The following LIMS1 variants were observed in gnomAD, a reference collection of about 807,000 sequenced individuals.
The protein encoded by LIMS1 is LIM zinc finger domain containing 1.
A neutral mutation model predicts 44.1 loss-of-function variants in LIMS1; 18 were observed. That is an observed-to-expected ratio of 0.41 (90% CI 0.28 to 0.61). The LOEUF is 0.61. LIMS1 is among the 20% of genes least tolerant of loss of function. The pLI, the probability that LIMS1 is intolerant of heterozygous loss-of-function variation, is 0.32. For missense variants in LIMS1, 201 were observed against 422.0 expected (o/e 0.48, Z 4.59); for synonymous variants, 93 against 149.1 (o/e 0.62, Z 2.74).
At chr2:108,583,330 A>C (rs1480418225) in intron 1 of LIMS1, among the ~76,000 whole-genome samples, 1 of 151,980 alleles carries the variant, frequency 6.6e-6, no homozygotes, top group Admixed American at 6.5e-5. Flanking sequence ...GGCGTAAATC[A>C]CCACGCCTGG....
exon 5 of LIMS1, chr2:108,672,984 A>G: frequency 2.3e-6 from 3 of 1,316,404 alleles, no homozygotes; most frequent in South Asian, 1.4e-5. Context: ...CTGATATTCA[A>G]GAACGACCCC....
intron 1 of LIMS1, among the ~76,000 whole-genome samples, chr2:108,648,241 A>C (rs1690208889): frequency 6.6e-6 from 1 of 152,208 alleles, no homozygotes; most frequent in South Asian, 2.1e-4. Context: ...TAAAATACCT[A>C]GGAATACAAC....
intron 2 of LIMS1, among the ~76,000 whole-genome samples, chr2:108,666,216 G>A (rs1390341239): frequency 6.6e-6 from 1 of 152,200 alleles, no homozygotes; most frequent in Non-Finnish European, 1.5e-5. Context: ...GACATGCTCT[G>A]TAAATTGGGA....
At chr2:108,664,231 T>C (rs983954936) in intron 2 of LIMS1, among the ~76,000 whole-genome samples, 3 of 152,226 alleles carry the variant, frequency 2.0e-5, no homozygotes, top group Admixed American at 6.5e-5. Flanking sequence ...CAAACCAGTA[T>C]AAAGTACCAA....
intron 1 of LIMS1, among the ~76,000 whole-genome samples, chr2:108,552,367 C>A (rs1032222471): frequency 7.5e-6 from 1 of 133,488 alleles, no homozygotes; most frequent in Non-Finnish European, 1.6e-5. Context: ...ATATACTATA[C>A]GTATAGTATA....
At chr2:108,607,655 T>C (rs901459346) in intron 1 of LIMS1, among the ~76,000 whole-genome samples, 2 of 152,224 alleles carry the variant, frequency 1.3e-5, no homozygotes, top group African/African-American at 2.4e-5. Context: ...AACCCAGTCT[T>C]TCCCATCTGT....
chr2:108,659,598 GTTACA>G lies in LIMS1; in HGVS notation c.33-6_33-2del. ...GTCTGCAACCTGCTGTTCTTTGCGT[GTTACA>G]GCAACATGGCCAACGCCCTGGCCAG... On this transcript the variant is annotated splice_acceptor_variant and splice_polypyrimidine_tract_variant and intron_variant, in intron 1 of 9. Transcript: ENST00000544547. LOFTEE classifies it high-confidence loss of function. 1.2e-6 allele frequency: 2 copies of G among 1,611,600 alleles called. No individual in the cohort carries two copies. The highest frequency in any genetic ancestry group is 3.3e-5 in the Admixed American group (2 of 59,932).
intron 1 of LIMS1, among the ~76,000 whole-genome samples, chr2:108,611,603 G>C (rs1419484318): frequency 1.3e-5 from 2 of 152,192 alleles, no homozygotes; most frequent in East Asian, 1.9e-4. Flanking sequence ...CTCTAGGCTG[G>C]GTGCAGTAGC....
chr2:108,613,080 A>G (rs976791286), intron 1 of LIMS1, among the ~76,000 whole-genome samples: 38 of 152,036 alleles, frequency 2.5e-4, no homozygotes, highest in African/African-American at 8.9e-4. Flanking sequence ...CTGCTTTAAG[A>G]CTCAGTTTCC....
chr2:108,659,838 C>G (rs1573579069), intron 2 of LIMS1, 74 bp downstream of exon 2: 1 of 1,611,596 alleles, frequency 6.2e-7, no homozygotes, highest in Non-Finnish European at 8.5e-7. Flanking sequence ...TTCCTGAGGC[C>G]TCCTCCTTCA....
At chr2:108,623,907 G>A (rs1422217696) in intron 1 of LIMS1, among the ~76,000 whole-genome samples, 7 of 152,232 alleles carry the variant, frequency 4.6e-5, no homozygotes, top group Admixed American at 1.3e-4. Context: ...CGAGATGCAC[G>A]TGCTTAAAGA....
At chr2:108,669,883 A>C (rs1573604307) in intron 2 of LIMS1, among the ~76,000 whole-genome samples, 3 of 152,236 alleles carry the variant, frequency 2.0e-5, no homozygotes, top group African/African-American at 7.2e-5. Context: ...TATGCTTTTC[A>C]AGTAAACATA....
At chr2:108,584,786 T>A (rs150729419) in intron 1 of LIMS1, among the ~76,000 whole-genome samples, 1 of 152,104 alleles carries the variant, frequency 6.6e-6, no homozygotes, top group East Asian at 1.9e-4. Flanking sequence ...GTGTGGTATG[T>A]GTATGTCCCT....
intron 1 of LIMS1, among the ~76,000 whole-genome samples, chr2:108,564,121 C>G (rs752488862): frequency 1.2e-4 from 18 of 152,010 alleles, no homozygotes; most frequent in Non-Finnish European, 2.9e-5. Flanking sequence ...CCACAGCCAC[C>G]CCAGGCTTCA....
intron 1 of LIMS1, among the ~76,000 whole-genome samples, chr2:108,642,335 GTTTTTTGTTTTTT>G (rs1689728632): frequency 2.9e-5 from 1 of 34,146 alleles, no homozygotes; most frequent in Admixed American, 3.0e-4. Flanking sequence ...AGCTACTAGT[GTTTTTTGTTTTTT>G]TTTTTTTTTG....
Position 108,667,698 on chromosome 2 carries a change from T to C in LIMS1, c.193-3083T>C, listed in dbSNP as rs531510545. Among the ~76,000 whole-genome samples, 515 of 151,896 alleles carry C rather than the reference T, an allele frequency of 3.4e-3. 2 individuals carry two copies. The highest frequency in any genetic ancestry group is 0.011 in the African/African-American group (468 of 41,424). On this transcript the variant is annotated intron_variant, in intron 2 of 9. Transcript: ENST00000544547. ...GTTTTTACACAGTCGTCTTATGGTATCCACAGAGGATTGGTTCCAGGACAC... is the reference window on the plus strand; with the variant it reads ...GTTTTTACACAGTCGTCTTATGGTACCCACAGAGGATTGGTTCCAGGACAC...
chr2:108,664,364 T>G (rs890805059), intron 2 of LIMS1, among the ~76,000 whole-genome samples: 11 of 152,334 alleles, frequency 7.2e-5, no homozygotes, highest in African/African-American at 2.6e-4. Flanking sequence ...TTTACAGAAC[T>G]CCAAAACTTA....
rs536029020 is a variant in LIMS1, at chr2:108,592,054, C to T, written c.32+57460C>T. On this transcript the variant is annotated intron_variant, in intron 1 of 9. Coordinates refer to ENST00000544547, the Ensembl canonical transcript of LIMS1. ...AGGTGATCCACGTGCCTCGGCCTCC[C>T]AAAGTGCTTGGATTACAGGTGTGAG... Among the ~76,000 whole-genome samples the T allele has an allele frequency of 1.3e-4, 20 of 152,262 alleles. 1 individual carries two copies. The South Asian group carries it at 3.9e-3, about 30-fold the overall frequency.
chr2:108,626,851 C>T (rs1688602821), intron 1 of LIMS1, among the ~76,000 whole-genome samples: 1 of 151,932 alleles, frequency 6.6e-6, no homozygotes, highest in African/African-American at 2.4e-5. Context: ...GCTTAGTTTC[C>T]AAAGGGAAAT....
Sources: allele counts gnomAD v4.1 joint callset (sites outside exome capture counted in the v4.1 genomes callset), GRCh38; gene constraint gnomAD v4.1.1; transcripts MANE v1.5; gene names NCBI Gene and HGNC (gene_info 2026-07-23, HGNC 2026-07-21).